The following SNX7 variants were observed in gnomAD, a reference collection of about 807,000 sequenced individuals.
SNX7 encodes the protein sorting nexin 7, also known as sorting nexin-7.
SNX7 carries 35 observed loss-of-function variants against 48.4 expected under a neutral mutation model. The observed-to-expected ratio is 0.72, with a 90% confidence interval of 0.55 to 0.96. The LOEUF (loss-of-function observed/expected upper bound fraction) is 0.96. Ranked by LOEUF, SNX7 falls within the 40% of genes least tolerant of loss-of-function variation. SNX7 has a pLI of 0.00. For missense variants in SNX7, 553 were observed against 548.9 expected, an observed-to-expected ratio of 1.01 and a Z score of -0.07; for synonymous variants, 190 against 190.2, an observed-to-expected ratio of 1.00 and a Z score of 0.01.
At chr1:98,710,977 T>C (rs1652270326) in intron 7 of SNX7, among the ~76,000 whole-genome samples, 1 of 152,224 alleles carries the variant, frequency 6.6e-6, no homozygotes, top group African/African-American at 2.4e-5. Flanking sequence ...TGTAAAATGT[T>C]AGATAATTCA....
At chr1:98,686,942 T>C (rs191707011) in intron 2 of SNX7, among the ~76,000 whole-genome samples, 4 of 152,300 alleles carry the variant, frequency 2.6e-5, no homozygotes, top group Non-Finnish European at 1.5e-5. Context: ...AGCCACCTTG[T>C]GAGTTTCATT....
chr1:98,724,120 T>C (rs1653042906), intron 7 of SNX7, among the ~76,000 whole-genome samples: 1 of 152,192 alleles, frequency 6.6e-6, no homozygotes, highest in Non-Finnish European at 1.5e-5. Context: ...TACTCCTATT[T>C]GATGAGAGTT....
Position 98,760,223 on chromosome 1 carries a change from T to C in SNX7, c.*92T>C. The C allele has an allele frequency of 5.9e-6, 6 of 1,013,558 alleles. No homozygotes were observed. The highest frequency in any genetic ancestry group is 1.4e-5 in the South Asian group (1 of 72,424). The allele number at this position is 1,013,558 out of a possible 1,614,324, so 62.8% of individuals were successfully genotyped here. A position where few individuals can be genotyped will look rare whatever the true frequency, so the allele number is the denominator to read the frequency against. On this transcript the variant is annotated 3_prime_UTR_variant, in exon 9 of 9. Coordinates refer to ENST00000306121, the MANE Select transcript of SNX7 (RefSeq NM_015976.5). ...ATCTGCCGTGTCCTTATAAAGTGGA[T>C]GAAAAATGTTTTGTACCCATCTGGA...
At chr1:98,695,480 A>G in intron 4 of SNX7, 38 bp from the exon 5 acceptor site, 1 of 1,584,846 alleles carries the variant, frequency 6.3e-7, no homozygotes, top group South Asian at 1.1e-5. Flanking sequence ...GAATATTGAG[A>G]CTTGTTTCAC....
At chr1:98,673,508 C>T (rs1447119146) in intron 1 of SNX7, among the ~76,000 whole-genome samples, 1 of 152,146 alleles carries the variant, frequency 6.6e-6, no homozygotes, top group Non-Finnish European at 1.5e-5. Context: ...TTTATTTGCT[C>T]ATTATATGTA....
At chr1:98,746,212 C>T (rs747117095) in intron 8 of SNX7, among the ~76,000 whole-genome samples, 19 of 152,002 alleles carry the variant, frequency 1.2e-4, no homozygotes, top group Non-Finnish European at 2.1e-4. Context: ...ACATTTAAGA[C>T]ATTTCACAAA....
At chr1:98,670,119 A>G (rs144707042) in intron 1 of SNX7, among the ~76,000 whole-genome samples, 17 of 152,358 alleles carry the variant, frequency 1.1e-4, no homozygotes, top group Admixed American at 3.3e-4. Context: ...CATAGAATTA[A>G]ATTAGTCTTA....
intron 1 of SNX7, among the ~76,000 whole-genome samples, chr1:98,670,742 T>C (rs891554779): frequency 1.3e-5 from 2 of 152,138 alleles, no homozygotes; most frequent in Non-Finnish European, 2.9e-5. Context: ...TCTCAGAACC[T>C]GTCCCCATCA....
chr1:98,703,285 CA>C (rs1651844248), intron 7 of SNX7, among the ~76,000 whole-genome samples: 2 of 152,074 alleles, frequency 1.3e-5, no homozygotes, highest in Admixed American at 1.3e-4. Context: ...GCAATTATTT[CA>C]TTATTTAATT....
intron 7 of SNX7, among the ~76,000 whole-genome samples, chr1:98,719,975 T>C (rs1336389540): frequency 1.3e-5 from 2 of 151,074 alleles, no homozygotes; most frequent in Non-Finnish European, 3.0e-5. Flanking sequence ...GTCCCAGTCG[T>C]ACCCGTTATC....
intron 1 of SNX7, 180 bp downstream of exon 1, chr1:98,662,091 C>A: frequency 1.8e-6 from 1 of 561,686 alleles, no homozygotes; most frequent in Non-Finnish European, 2.6e-6. Context: ...CACCCGGGGC[C>A]GCGTCGCCTC....
intron 7 of SNX7, among the ~76,000 whole-genome samples, chr1:98,725,196 A>T (rs1653100621): frequency 6.6e-6 from 1 of 152,178 alleles, no homozygotes; most frequent in Non-Finnish European, 1.5e-5. Context: ...TTGTTAATTT[A>T]AAAATGGTTT....
At chr1:98,669,547 T>G (rs1649732742) in intron 1 of SNX7, among the ~76,000 whole-genome samples, 1 of 152,238 alleles carries the variant, frequency 6.6e-6, no homozygotes, top group South Asian at 2.1e-4. Flanking sequence ...GTTCCATGAC[T>G]GTTACATCAC....
upstream of SNX7, chr1:98,661,589 C>A: frequency 1.3e-6 from 1 of 770,552 alleles, no homozygotes; most frequent in Non-Finnish European, 1.7e-6. Flanking sequence ...GCGCTGGTCC[C>A]GGCAGTTCCG....
chr1:98,723,790 G>GGT (rs1553203776), intron 7 of SNX7, among the ~76,000 whole-genome samples: 2 of 151,526 alleles, frequency 1.3e-5, no homozygotes, highest in Non-Finnish European at 2.9e-5. Context: ...GATCCCGGGA[G>GGT]GCAGAGGTTG....
At chr1:98,686,938 C>T (rs1650833967) in intron 2 of SNX7, among the ~76,000 whole-genome samples, 1 of 152,096 alleles carries the variant, frequency 6.6e-6, no homozygotes, top group East Asian at 1.9e-4. Flanking sequence ...CTAAAGCCAC[C>T]TTGTGAGTTT....
At chr1:98,675,431 C>T (rs373246470) in intron 1 of SNX7, among the ~76,000 whole-genome samples, 6 of 152,020 alleles carry the variant, frequency 3.9e-5, no homozygotes, top group Non-Finnish European at 5.9e-5. Flanking sequence ...AATTTTCTGC[C>T]TTTGCTAGAT....
At chr1:98,723,369 C>A (rs1652988548) in intron 7 of SNX7, among the ~76,000 whole-genome samples, 1 of 151,834 alleles carries the variant, frequency 6.6e-6, no homozygotes, top group African/African-American at 2.4e-5. Flanking sequence ...CCCAAAAAGG[C>A]TGTGTATACT....
At chr1:98,684,405 G>T (rs1650668256) in intron 1 of SNX7, among the ~76,000 whole-genome samples, 1 of 152,122 alleles carries the variant, frequency 6.6e-6, no homozygotes, top group Admixed American at 6.6e-5. Context: ...TTGGCCTCTG[G>T]CAAGGGATGC....
Sources: gnomAD v4.1 joint callset for allele counts (sites outside exome capture counted in the v4.1 genomes callset) on GRCh38, gnomAD v4.1.1 for gene constraint, MANE v1.5 for transcripts, NCBI Gene and HGNC (gene_info 2026-07-23, HGNC 2026-07-21) for gene names.